The following NCOR1 variants were observed in gnomAD, a reference collection of about 807,000 sequenced individuals.
The protein encoded by NCOR1 is protein phosphatase 1, regulatory subunit 109.
In NCOR1, 63 loss-of-function variants were observed where a neutral mutation model predicts 288.1. The observed-to-expected ratio is 0.22, with a 90% CI of 0.18 to 0.27. The LOEUF (loss-of-function observed/expected upper bound fraction) is 0.27, where lower values mean the gene tolerates loss of function less well. Among genes scored for constraint, NCOR1 ranks in the 10% least tolerant of loss-of-function variants. NCOR1 has a pLI of 1.00. For synonymous variants in NCOR1, 1,007 were observed against 1,065.9 expected (o/e 0.94, Z 1.08); for missense variants, 2,397 against 3,019.2 (o/e 0.79, Z 4.83).
In NCOR1 at chr17:16,136,806, CAAAAAAA is replaced by C. The variant is rs60523446; in HGVS notation, c.1509+498_1509+504del. On this transcript the variant is annotated intron_variant, in intron 14 of 45. Transcript: ENST00000268712. ...TGGGCGACAGAGCGAGACTCTGTTT[CAAAAAAA>C]AAAAAAAAAAAAAAAGAAAGAAAGA... Among the ~76,000 whole-genome samples the C allele has an allele frequency of 2.8e-4, 31 of 111,792 alleles. 1 individual carries two copies. In the East Asian group the frequency reaches 7.3e-3, roughly 26 times the overall value. 73.3% of individuals were successfully genotyped at this position (111,792 alleles called of 152,430 possible).
intron 2 of NCOR1, among the ~76,000 whole-genome samples, chr17:16,190,326 C>T (rs914736784): frequency 4.6e-5 from 7 of 152,142 alleles, no homozygotes; most frequent in South Asian, 2.1e-4. Context: ...CAACCACAGA[C>T]GCTCTCTGAA....
chr17:16,051,780 C>G (rs989442392), intron 40 of NCOR1, among the ~76,000 whole-genome samples: 11 of 152,014 alleles, frequency 7.2e-5, no homozygotes, highest in African/African-American at 2.7e-4. Context: ...GGGGTGGTGG[C>G]ACATGCCTGT....
At chr17:16,198,370 A>C (rs1453094907) in intron 1 of NCOR1, 3 of 152,422 alleles carry the variant, frequency 2.0e-5, no homozygotes, top group Admixed American at 1.3e-4. Flanking sequence ...AAAAAAAAAA[A>C]AAAAAAAACA....
chr17:16,194,631 G>C lies in NCOR1; in HGVS notation c.-62C>G, dbSNP rs1024757277. On this transcript the variant is annotated 5_prime_UTR_variant, in exon 2 of 46. Coordinates refer to ENST00000268712, the MANE Select transcript of NCOR1 (RefSeq NM_006311.4). ...ATGCCAATAAACAATCATGTTTCTA[G>C]GAAACCACCTAAACAGGATGAGAAA... The C allele has an allele frequency of 3.9e-5, 40 of 1,037,748 alleles. No homozygotes were observed. The African/African-American group carries it at 5.5e-4, about 14-fold the overall frequency. The allele number at this position is 1,037,748 out of a possible 1,614,324, so 64.3% of individuals were successfully genotyped here.
Position 16,141,262 on chromosome 17 carries a change from T to C in NCOR1, c.1174-2076A>G, listed in dbSNP as rs577980685. ...AGTGTGGGATATACCTCTGACTAAA[T>C]ATTGTAATTGTCCCTAAAGAGTTAT... On this transcript the variant is annotated intron_variant, in intron 11 of 45. Transcript: ENST00000268712. 2.0e-5 allele frequency among the ~76,000 whole-genome samples: 3 copies of C among 152,206 alleles called. No homozygotes were observed. The South Asian group carries it at 6.2e-4, about 32-fold the overall frequency.
intron 1 of NCOR1, among the ~76,000 whole-genome samples, chr17:16,213,702 C>T (rs2092338802): frequency 6.6e-6 from 1 of 152,006 alleles, no homozygotes; most frequent in Non-Finnish European, 1.5e-5. Context: ...CTATTAACTC[C>T]CTTTAGGCTC....
intron 1 of NCOR1, among the ~76,000 whole-genome samples, chr17:16,204,633 G>C (rs1173654533): frequency 2.0e-5 from 3 of 152,158 alleles, no homozygotes; most frequent in Non-Finnish European, 2.9e-5. Context: ...TTAGTAGATA[G>C]GTGAATATTT....
At chr17:16,051,582 A>T (rs988979126) in intron 40 of NCOR1, among the ~76,000 whole-genome samples, 1 of 152,164 alleles carries the variant, frequency 6.6e-6, no homozygotes, top group African/African-American at 2.4e-5. Flanking sequence ...CACAACCAAG[A>T]GCAAACAAAT....
intron 3 of NCOR1, among the ~76,000 whole-genome samples, chr17:16,182,842 T>C (rs2153512727): frequency 6.6e-6 from 1 of 151,958 alleles, no homozygotes; most frequent in African/African-American, 2.4e-5. Flanking sequence ...AAATTTTTAC[T>C]GGAGAAGAAA....
chr17:16,192,462 C>A (rs2088650178), intron 2 of NCOR1, among the ~76,000 whole-genome samples: 1 of 152,180 alleles, frequency 6.6e-6, no homozygotes, highest in African/African-American at 2.4e-5. Context: ...TCAAGACCAG[C>A]CTGTCCAACA....
intron 43 of NCOR1, chr17:16,040,228 C>CTT (rs1286379317): frequency 1.5e-6 from 1 of 659,748 alleles, no homozygotes; most frequent in African/African-American, 1.8e-5. Context: ...TAGTTTCATT[C>CTT]TTTTTGTTCA....
intron 2 of NCOR1, among the ~76,000 whole-genome samples, chr17:16,189,053 C>T (rs920154907): frequency 6.6e-6 from 1 of 151,536 alleles, no homozygotes; most frequent in Non-Finnish European, 1.5e-5. Context: ...AGTCAGTCCT[C>T]ATCACAAGGG....
At chr17:16,068,961 C>T (rs1362109636) in intron 31 of NCOR1, among the ~76,000 whole-genome samples, 7 of 152,080 alleles carry the variant, frequency 4.6e-5, no homozygotes, top group Admixed American at 3.3e-4. Flanking sequence ...ATGATCCGCC[C>T]GCCTTGGCCT....
intron 1 of NCOR1, among the ~76,000 whole-genome samples, chr17:16,202,535 A>T (rs1354105524): frequency 6.6e-6 from 1 of 152,238 alleles, no homozygotes; most frequent in Non-Finnish European, 1.5e-5. Flanking sequence ...TTTGGCCTGA[A>T]TTAATAGATA....
chr17:16,075,792 C>G lies in NCOR1; in HGVS notation c.3502-90G>C, dbSNP rs2062371102. On this transcript the variant is annotated intron_variant, in intron 26 of 45. Transcript: ENST00000268712. ...CAGAAAATTTAACCTATGACAGAGT[C>G]AGGCTAATCTATAGCTTCAAAGAAG... 2.1e-6 allele frequency: 3 copies of G among 1,403,918 alleles called. No homozygotes were observed. In the Admixed American group the frequency reaches 6.0e-5, roughly 28 times the overall value. The allele number at this position is 1,403,918 out of a possible 1,614,324, so 87.0% of individuals were successfully genotyped here.
chr17:16,118,293 G>T (rs961259936), intron 17 of NCOR1, among the ~76,000 whole-genome samples: 1 of 151,964 alleles, frequency 6.6e-6, no homozygotes, highest in Non-Finnish European at 1.5e-5. Flanking sequence ...TCTCTCACAG[G>T]GCTAGGACAA....
At chr17:16,109,172 T>C (rs1437369936) in intron 18 of NCOR1, among the ~76,000 whole-genome samples, 1 of 152,098 alleles carries the variant, frequency 6.6e-6, no homozygotes, top group Non-Finnish European at 1.5e-5. Context: ...CCACTATACA[T>C]GTATAAAAAG....
At position 16,064,987 on chromosome 17, in the gene NCOR1, T is replaced by C. The variant is rs1598094058; in HGVS notation, c.4984A>G (p.Ile1662Val). 6.2e-7 allele frequency: 1 copy of C among 1,613,990 alleles called. No individual in the cohort carries two copies. Among genetic ancestry groups the C allele is most frequent in the South Asian group, 1.1e-5 (1 of 91,062 alleles). ...IIDLTNMPPTILVPHPGGTST... is the reference protein window; with the variant it reads ...IIDLTNMPPTVLVPHPGGTST... ...GTTCCCCCTGGATGAGGCACTAAAA[T>C]TGTTGGAGGCATATTGGTCAGGTCA... Residue 1662 changes from isoleucine to valine, a missense_variant, in exon 34 of 46, where the codon ATT (isoleucine) becomes GTT (valine). This residue lies in a region of NCOR1 where 1,872 missense variants were observed against 2,187.8 expected (regional missense o/e 0.86). Transcript: ENST00000268712.
Position 16,127,241 on chromosome 17 carries a change from A to ATC in NCOR1, c.1510-1036_1510-1035insGA, listed in dbSNP as rs1274960780. On this transcript the variant is annotated intron_variant, in intron 14 of 45. Transcript: ENST00000268712. ...TATGTATATATACATGTATGCATAT[A>ATC]TGTATGTATATATGTGTGTGTATAT... is the stretch of plus-strand genomic sequence containing the variant. 2.8e-3 allele frequency among the ~76,000 whole-genome samples: 390 copies of ATC among 137,778 alleles called. 50 individuals carry two copies. The highest frequency in any genetic ancestry group is 8.6e-3 in the Middle Eastern group (2 of 232). 90.4% of individuals were successfully genotyped at this position (137,778 alleles called of 152,430 possible). A position where few individuals can be genotyped will look rare whatever the true frequency, so the allele number is the denominator to read the frequency against.
Sources: allele counts gnomAD v4.1 joint callset (sites outside exome capture counted in the v4.1 genomes callset), GRCh38; gene constraint gnomAD v4.1.1; regional missense constraint gnomAD v4.1.1; transcripts MANE v1.5; gene names NCBI Gene and HGNC (gene_info 2026-07-23, HGNC 2026-07-21).